Variants in UGT1A5 observed in about 807,000 individuals in gnomAD.
UGT1A5 encodes the protein UDP-glucuronosyltransferase 1A5.
In UGT1A5, 29 loss-of-function variants were observed where a neutral mutation model predicts 40.3. That is an observed-to-expected ratio of 0.72 (90% CI 0.54 to 0.98). The LOEUF is 0.98. UGT1A5 is among the 50% of genes least tolerant of loss of function. UGT1A5 has a pLI of 0.00. For missense variants in UGT1A5, 678 were observed against 677.9 expected (o/e 1.00, Z 0.00); for synonymous variants, 257 against 262.5 (o/e 0.98, Z 0.20).
At chr2:233,766,075 T>C (rs1699041647) in intron 1 of UGT1A5, among the ~76,000 whole-genome samples, 1 of 152,186 alleles carries the variant, frequency 6.6e-6, no homozygotes, top group Non-Finnish European at 1.5e-5. Context: ...CCCTCTACCT[T>C]GTCGCAAGGA....
In UGT1A5 at chr2:233,734,906, CA is replaced by C. The variant is rs200128219; in HGVS notation, c.867+21049del. Reference sequence around the variant, plus strand: ...GTTTGTTGTGATTTCTATTCTTTTACATTTGCTAAGGAGTGCTTTACTTACA... The same window carrying C: ...GTTTGTTGTGATTTCTATTCTTTTACTTTGCTAAGGAGTGCTTTACTTACA... On this transcript the variant is annotated intron_variant, in intron 1 of 4. Coordinates refer to ENST00000373414, the MANE Select transcript of UGT1A5 (RefSeq NM_019078.2). Among the ~76,000 whole-genome samples, 55 of 152,278 alleles carry C rather than the reference CA, an allele frequency of 3.6e-4. No homozygotes were observed. The East Asian group carries it at 0.011, about 29-fold the overall frequency.
intron 1 of UGT1A5, among the ~76,000 whole-genome samples, chr2:233,734,400 T>G (rs76797219): frequency 6.6e-6 from 1 of 152,204 alleles, no homozygotes; most frequent in South Asian, 2.1e-4. Context: ...TTGCGTCTAT[T>G]TGATTCTTCT....
chr2:233,730,164 C>T (rs556230722), intron 1 of UGT1A5, among the ~76,000 whole-genome samples: 9 of 152,110 alleles, frequency 5.9e-5, no homozygotes, highest in Admixed American at 1.3e-4. Context: ...TCTCTAGTAG[C>T]GTATTTCAGG....
chr2:233,769,657 C>A lies in UGT1A5; in HGVS notation c.1307+1218C>A, dbSNP rs551497641. On this transcript the variant is annotated intron_variant, in intron 4 of 4. Coordinates refer to ENST00000373414, the MANE Select transcript of UGT1A5 (RefSeq NM_019078.2). This position sits in a 1 kb window ranked among gnomAD's most constrained non-coding sequence, Gnocchi z 4.4. ...GGGAGGACTGATGACTGACTTCCCACCTTTGAGGTGCTAATGTGTGTGTGG... is the reference window on the plus strand; with the variant it reads ...GGGAGGACTGATGACTGACTTCCCAACTTTGAGGTGCTAATGTGTGTGTGG... 2.5e-6 allele frequency: 4 copies of A among 1,602,364 alleles called. No individual in the cohort carries two copies. Among genetic ancestry groups the A allele is most frequent in the East Asian group, 4.5e-5 (2 of 44,626 alleles).
At chr2:233,726,988 C>G (rs926323067) in intron 1 of UGT1A5, among the ~76,000 whole-genome samples, 1 of 152,120 alleles carries the variant, frequency 6.6e-6, no homozygotes, top group African/African-American at 2.4e-5. Context: ...TGATGAGGTT[C>G]TTTCTAGCAA....
chr2:233,769,665 G>T lies in UGT1A5; in HGVS notation c.1307+1226G>T. 6.3e-7 allele frequency: 1 copy of T among 1,592,194 alleles called. No homozygotes were observed. The highest frequency in any genetic ancestry group is 1.1e-5 in the South Asian group (1 of 88,390). The stretch of plus-strand genomic sequence containing the variant: ...TGATGACTGACTTCCCACCTTTGAG[G>T]TGCTAATGTGTGTGTGGTGGCACTG... On this transcript the variant is annotated intron_variant, in intron 4 of 4. Transcript: ENST00000373414. The surrounding 1 kb of genome is among the most constrained non-coding windows in gnomAD (Gnocchi z 4.4).
intron 1 of UGT1A5, chr2:233,718,769 G>C: frequency 1.2e-6 from 2 of 1,612,822 alleles, no homozygotes; most frequent in African/African-American, 1.3e-5. Context: ...GGAAACAAAT[G>C]TAGCAGGCAC....
intron 1 of UGT1A5, chr2:233,750,737 C>T (rs1464125177): frequency 6.6e-6 from 1 of 151,908 alleles, no homozygotes; most frequent in Non-Finnish European, 1.5e-5. Context: ...AGGGTGCAAA[C>T]CTCAAGCCTT....
At chr2:233,719,357 C>T (rs756721140) in intron 1 of UGT1A5, 62 of 1,613,782 alleles carry the variant, frequency 3.8e-5, no homozygotes, top group Non-Finnish European at 4.7e-5. Context: ...TTCCATGTGA[C>T]TTAGACTTTA....
rs77053267 is a variant in UGT1A5, at chr2:233,743,791, C to T, written c.868-23243C>T. 1,068 of 1,367,342 alleles carry T rather than the reference C, an allele frequency of 7.8e-4. 34 individuals are homozygous for T. In the African/African-American group the frequency reaches 0.014, roughly 18 times the overall value. The allele number at this position is 1,367,342 out of a possible 1,614,324, so 84.7% of individuals were successfully genotyped here. On this transcript the variant is annotated intron_variant, in intron 1 of 4. Coordinates refer to ENST00000373414, the MANE Select transcript of UGT1A5 (RefSeq NM_019078.2). The stretch of plus-strand genomic sequence containing the variant: ...CGGCCACCTGCTTGAATCTCCTCTC[C>T]GCTTCCTCCTTGTTCTCAGGGTTTT...
Position 233,772,033 on chromosome 2 carries a change from A to C in UGT1A5, c.1308-229A>C, listed in dbSNP as rs33979061. Among the ~76,000 whole-genome samples, 33,182 of 152,170 alleles carry C rather than the reference A, an allele frequency of 0.22. 4,506 individuals carry two copies. Among genetic ancestry groups the C allele is most frequent in the South Asian group, 0.32 (1,549 of 4,822 alleles). On this transcript the variant is annotated intron_variant, in intron 4 of 4. Coordinates refer to ENST00000373414, the MANE Select transcript of UGT1A5 (RefSeq NM_019078.2). ...GAGGCTGAGGCAGGAGGATGGCTTG[A>C]GCCCAGGAGTTGGAGGCTGCAGTTA...
At position 233,772,325 on chromosome 2, in the gene UGT1A5, C is replaced by CGTGTT; in HGVS notation, c.1371_1372insGTGTT (p.Leu458ValfsTer11). The CGTGTT allele has an allele frequency of 6.2e-7, 1 of 1,614,136 alleles. No individual in the cohort carries two copies. Among genetic ancestry groups the CGTGTT allele is most frequent in the Non-Finnish European group, 8.5e-7 (1 of 1,180,020 alleles). ...AGGACCGCCCGGTGGAGCCGCTGGA[C>CGTGTT]CTGGCCGTGTTCTGGGTGGAGTTTG... On this transcript the variant is annotated frameshift_variant, in exon 5 of 5. Transcript: ENST00000373414. LOFTEE classifies it high-confidence loss of function.
intron 1 of UGT1A5, chr2:233,760,664 G>C (rs1215512591): frequency 6.2e-7 from 1 of 1,614,182 alleles, no homozygotes; most frequent in Admixed American, 1.7e-5. Context: ...CTTTTGTCTG[G>C]CTGTTCCCAC....
At chr2:233,736,819 A>G (rs1408974835) in intron 1 of UGT1A5, among the ~76,000 whole-genome samples, 1 of 152,184 alleles carries the variant, frequency 6.6e-6, no homozygotes, top group Non-Finnish European at 1.5e-5. Context: ...TCCACTCCAG[A>G]TGCTCTTTGC....
chr2:233,762,816 G>T (rs28946889), intron 1 of UGT1A5, among the ~76,000 whole-genome samples: 30,774 of 150,410 alleles, frequency 0.2, 3,870 homozygotes, highest in East Asian at 0.45. Flanking sequence ...TCAAAATATT[G>T]ATTTTCATAA....
chr2:233,747,316 C>T lies in UGT1A5; in HGVS notation c.868-19718C>T, dbSNP rs1693620953. The T allele has an allele frequency of 6.9e-6, 11 of 1,603,150 alleles. No homozygotes were observed. In the South Asian group the frequency reaches 1.2e-4, roughly 18 times the overall value. On this transcript the variant is annotated intron_variant, in intron 1 of 4. Coordinates refer to ENST00000373414, the MANE Select transcript of UGT1A5 (RefSeq NM_019078.2). ...TGAGAGTGGGAAGGTGCTGGTGGTA[C>T]CCATTGATGGCAGCCACTGGCTCGC... is the stretch of plus-strand genomic sequence containing the variant.
chr2:233,720,745 G>A (rs12463910), intron 1 of UGT1A5, among the ~76,000 whole-genome samples: 11,915 of 147,388 alleles, frequency 0.081, 607 homozygotes, highest in East Asian at 0.21. Context: ...TCGTTCTGTC[G>A]CCCAGGCTGG....
intron 4 of UGT1A5, 75 bp from the exon 5 acceptor site, chr2:233,772,187 G>A: frequency 6.3e-7 from 1 of 1,594,510 alleles, no homozygotes; most frequent in South Asian, 1.1e-5. Flanking sequence ...GTCTTCTTAA[G>A]CAGCCATGAG....
intron 1 of UGT1A5, among the ~76,000 whole-genome samples, chr2:233,727,545 T>C (rs2077627675): frequency 2.0e-5 from 3 of 152,198 alleles, no homozygotes. Flanking sequence ...GTTCCACCCG[T>C]CACCTGGGCT....
Sources: gnomAD v4.1 joint callset for allele counts (sites outside exome capture counted in the v4.1 genomes callset) on GRCh38, gnomAD v4.1.1 for gene constraint, Gnocchi (gnomAD v3.1) non-coding constraint, MANE v1.5 for transcripts, NCBI Gene and HGNC (gene_info 2026-07-23, HGNC 2026-07-21) for gene names.